Variants in CAPN14 observed in about 807,000 individuals in gnomAD.
CAPN14 encodes calpain-14.
In CAPN14, 94 loss-of-function variants were observed where a neutral mutation model predicts 101.3. The observed-to-expected ratio is 0.93, with a 90% CI of 0.79 to 1.10. The LOEUF (loss-of-function observed/expected upper bound fraction) is 1.10, where lower values mean the gene tolerates loss of function less well. Among genes scored for constraint, CAPN14 ranks in the 50% least tolerant of loss-of-function variants. The pLI, the probability that CAPN14 is intolerant of heterozygous loss-of-function variation, is 0.00. For missense variants in CAPN14, 837 were observed against 828.4 expected (o/e 1.01, Z -0.13); for synonymous variants, 338 against 317.9 (o/e 1.06, Z -0.67).
In CAPN14 at chr2:31,205,213, T is replaced by C. The variant is rs1217447795; in HGVS notation, c.225+10A>G. ...GGAAGGAGGGTCTGGGCTGACACAT[T>C]TTGCCTCACCGGGGGCCTCTTCCAC... is the stretch of plus-strand genomic sequence containing the variant. On this transcript the variant is annotated intron_variant, in intron 2 of 21. Coordinates refer to ENST00000403897, the MANE Select transcript of CAPN14 (RefSeq NM_001145122.2). 1.3e-6 allele frequency: 2 copies of C among 1,548,942 alleles called. No homozygotes were observed. The highest frequency in any genetic ancestry group is 4.9e-5 in the East Asian group (2 of 40,912).
intron 1 of CAPN14, among the ~76,000 whole-genome samples, chr2:31,227,181 A>G (rs1191874577): frequency 1.3e-5 from 2 of 152,166 alleles, no homozygotes; most frequent in African/African-American, 4.8e-5. Flanking sequence ...AACCAGATAC[A>G]CACCGCTGCC....
At chr2:31,196,807 T>C (rs1409283883) in intron 8 of CAPN14, among the ~76,000 whole-genome samples, 2 of 152,188 alleles carry the variant, frequency 1.3e-5, no homozygotes, top group Non-Finnish European at 2.9e-5. Flanking sequence ...TGTCTACCTT[T>C]GACTCAGCAA....
At position 31,177,093 on chromosome 2, in the gene CAPN14, G is replaced by A. The variant is rs1233850090; in HGVS notation, c.1905C>T (p.Gly635=). ...DVCQLMLIRY[G]GPRLQMDFVS... ...CAAAGTCCATCTGGAGGCGGGGGCCGCCGTAGCGGATGAGCATCAGCTGAC... is the reference window on the plus strand; with the variant it reads ...CAAAGTCCATCTGGAGGCGGGGGCCACCGTAGCGGATGAGCATCAGCTGAC... Residue 635 remains glycine, a synonymous_variant, in exon 20 of 22, where the codon GGC becomes GGT. Coordinates refer to ENST00000403897, the MANE Select transcript of CAPN14 (RefSeq NM_001145122.2). 9.7e-6 allele frequency: 15 copies of A among 1,551,102 alleles called. No homozygotes were observed. Among genetic ancestry groups the A allele is most frequent in the African/African-American group, 2.7e-5 (2 of 73,064 alleles).
At chr2:31,224,087 G>A (rs759787163) in intron 2 of CAPN14, among the ~76,000 whole-genome samples, 12 of 151,960 alleles carry the variant, frequency 7.9e-5, no homozygotes, top group East Asian at 1.9e-4. Context: ...TGTGAATTCC[G>A]TCCCATCCTG....
chr2:31,181,325 C>A (rs563813858), intron 16 of CAPN14, among the ~76,000 whole-genome samples: 1 of 152,168 alleles, frequency 6.6e-6, no homozygotes, highest in South Asian at 2.1e-4. Flanking sequence ...AAGAGGTCAA[C>A]TTGTTCAAGC....
chr2:31,201,830 T>A, intron 5 of CAPN14, 32 bp downstream of exon 5: 1 of 1,545,156 alleles, frequency 6.5e-7, no homozygotes, highest in Non-Finnish European at 8.8e-7. Context: ...AAAGAAGCGA[T>A]GGGAAGGGGG....
At chr2:31,211,228 A>G (rs116107227) in intron 1 of CAPN14, among the ~76,000 whole-genome samples, 6,323 of 128,644 alleles carry the variant, frequency 0.049, 141 homozygotes, top group African/African-American at 0.058. Context: ...GAAAGAGAGA[A>G]AGAAAGAAAA....
At chr2:31,231,103 C>T (rs942675506) in intron 1 of CAPN14, among the ~76,000 whole-genome samples, 1 of 152,138 alleles carries the variant, frequency 6.6e-6, no homozygotes, top group Non-Finnish European at 1.5e-5. Flanking sequence ...CTTCTCTTCT[C>T]TGTTCTCCTT....
chr2:31,177,338 CT>C (rs1341338289), intron 19 of CAPN14, among the ~76,000 whole-genome samples, 196 bp from the exon 20 acceptor site: 1 of 150,976 alleles, frequency 6.6e-6, no homozygotes, highest in African/African-American at 2.5e-5. Context: ...CTCTTCACCC[CT>C]GTCTGTTAAG....
chr2:31,197,365 T>C, intron 7 of CAPN14, 31 bp from the exon 8 acceptor site: 1 of 1,437,434 alleles, frequency 7.0e-7, no homozygotes, highest in Non-Finnish European at 9.6e-7. Context: ...TTTAGGTGAC[T>C]GGGCTGAGTG....
At chr2:31,191,515 T>G in intron 11 of CAPN14, 108 bp from the exon 12 acceptor site, 1 of 1,074,978 alleles carries the variant, frequency 9.3e-7, no homozygotes, top group Non-Finnish European at 1.3e-6. Context: ...TAGAAGCTGA[T>G]ATACAAGGCT....
upstream of CAPN14, among the ~76,000 whole-genome samples, chr2:31,221,755 A>T (rs145638547): frequency 6.1e-3 from 936 of 152,298 alleles, 14 homozygotes; most frequent in African/African-American, 0.022. Flanking sequence ...AGTCGGAAAG[A>T]AGCCCTGGTG....
At chr2:31,176,680 T>C (rs1390188788) in intron 20 of CAPN14, 38 bp from the exon 21 acceptor site, 1 of 1,513,682 alleles carries the variant, frequency 6.6e-7, no homozygotes. Context: ...AGCTAATGTG[T>C]CTATTGGAAA....
chr2:31,218,612 T>C (rs757405464), upstream of CAPN14, among the ~76,000 whole-genome samples: 3 of 152,230 alleles, frequency 2.0e-5, no homozygotes, highest in Non-Finnish European at 2.9e-5. Flanking sequence ...CTAAGCACAT[T>C]GCATGCAGAA....
At chr2:31,206,974 G>T (rs1357409320) in intron 1 of CAPN14, among the ~76,000 whole-genome samples, 1 of 152,098 alleles carries the variant, frequency 6.6e-6, no homozygotes, top group Non-Finnish European at 1.5e-5. Context: ...AGCGAGAAGG[G>T]TTAAATGATC....
In CAPN14 at chr2:31,205,411, G is replaced by A; in HGVS notation, c.37C>T (p.Leu13=). The A allele has an allele frequency of 1.9e-6, 3 of 1,551,612 alleles. No individual in the cohort carries two copies. Among genetic ancestry groups the A allele is most frequent in the South Asian group, 1.2e-5 (1 of 84,052 alleles). The part of the protein sequence containing the change: ...LWPPFRCRWK[L]APRYSRRASP... ...GCCCTCCTAGAGTACCTTGGCGCCA[G>A]CTTCCATCTGCATCGGAAAGGTGGC... Residue 13 remains leucine (L), a synonymous_variant, in exon 2 of 22, where the codon CTG becomes TTG. Coordinates refer to ENST00000403897, the MANE Select transcript of CAPN14 (RefSeq NM_001145122.2).
intron 7 of CAPN14, among the ~76,000 whole-genome samples, chr2:31,198,258 T>G (rs1277128554): frequency 6.6e-6 from 1 of 152,212 alleles, no homozygotes; most frequent in East Asian, 1.9e-4. Context: ...GCCCCCTCCC[T>G]GCTCCGAGTT....
intron 1 of CAPN14, among the ~76,000 whole-genome samples, chr2:31,212,910 A>G (rs971121910): frequency 6.6e-5 from 10 of 152,236 alleles, no homozygotes; most frequent in African/African-American, 2.4e-4. Flanking sequence ...GCATCTTGCC[A>G]CAACCCACTA....
intron 1 of CAPN14, among the ~76,000 whole-genome samples, chr2:31,209,531 C>T (rs1424676567): frequency 1.3e-5 from 2 of 152,172 alleles, no homozygotes; most frequent in Admixed American, 1.3e-4. Context: ...CAGCCAGCAG[C>T]GCAAACTCCA....
Sources: allele counts gnomAD v4.1 joint callset (sites outside exome capture counted in the v4.1 genomes callset), GRCh38; gene constraint gnomAD v4.1.1; transcripts MANE v1.5; gene names NCBI Gene and HGNC (gene_info 2026-07-23, HGNC 2026-07-21).